DHX36: variants seen among roughly 807,000 people sequenced by gnomAD.
DHX36 encodes DEAH-box helicase 36.
In DHX36, 50 loss-of-function variants were observed where a neutral mutation model predicts 139.0. That is an observed-to-expected ratio of 0.36 (90% CI 0.29 to 0.46). DHX36 has a LOEUF of 0.46. Ranked by LOEUF, DHX36 falls within the 20% of genes least tolerant of loss-of-function variation. The pLI is 1.00. For synonymous variants in DHX36, 425 were observed against 401.9 expected, an observed-to-expected ratio of 1.06 and a Z score of -0.69; for missense variants, 1,024 against 1,211.3, an observed-to-expected ratio of 0.85 and a Z score of 2.29.
At chr3:154,279,644 C>G (rs1232144904) in intron 22 of DHX36, 3 of 152,188 alleles carry the variant, frequency 2.0e-5, no homozygotes, top group African/African-American at 7.2e-5. Context: ...ACAAGTATCT[C>G]CAGACACTTT....
At position 154,309,838 on chromosome 3, in the gene DHX36, A is replaced by T; in HGVS notation, c.643-15T>A. On this transcript the variant is annotated splice_polypyrimidine_tract_variant and intron_variant, in intron 4 of 24. Transcript: ENST00000496811. ...TTTACCAATTCCTATTTCAAAAGGG[A>T]AAATAAAGAATATCACATGTTGACT... 1 of 1,555,642 alleles carries T rather than the reference A, an allele frequency of 6.4e-7. No individual in the cohort carries two copies. Among genetic ancestry groups the T allele is most frequent in the Non-Finnish European group, 8.7e-7 (1 of 1,143,258 alleles).
intron 13 of DHX36, 81 bp downstream of exon 13, chr3:154,295,203 T>C (rs940317731): frequency 4.8e-6 from 4 of 828,074 alleles, no homozygotes; most frequent in Non-Finnish European, 7.5e-6. Context: ...TTAAAAAAAA[T>C]AAAGGAAAAC....
At chr3:154,285,453 C>T (rs1711515501) in intron 17 of DHX36, among the ~76,000 whole-genome samples, 3 of 152,262 alleles carry the variant, frequency 2.0e-5, no homozygotes, top group Non-Finnish European at 4.4e-5. Context: ...TTCCCTAGGT[C>T]ATCTGGTCCA....
intron 6 of DHX36, 24 bp downstream of exon 6, chr3:154,306,192 A>ATATAAGAAGTGAACATTTTTT: frequency 6.4e-7 from 1 of 1,551,744 alleles, no homozygotes; most frequent in Non-Finnish European, 8.9e-7. Context: ...ATCTGCCTGT[A>ATATAAGAAGTGAACATTTTTT]TATAAGAAGT....
At chr3:154,288,669 C>T (rs1055707082) in intron 17 of DHX36, among the ~76,000 whole-genome samples, 197 bp downstream of exon 17, 4 of 152,026 alleles carry the variant, frequency 2.6e-5, no homozygotes, top group Admixed American at 6.6e-5. Flanking sequence ...AGAATTATTA[C>T]GAAGATATCA....
intron 12 of DHX36, among the ~76,000 whole-genome samples, chr3:154,298,668 G>C (rs1418418154): frequency 2.6e-5 from 4 of 152,170 alleles, no homozygotes; most frequent in Non-Finnish European, 4.4e-5. Context: ...TGTAATCCCA[G>C]CACTTGGGAG....
chr3:154,310,830 T>C (rs869154790), intron 4 of DHX36, among the ~76,000 whole-genome samples: 5 of 34,882 alleles, frequency 1.4e-4, no homozygotes, highest in Non-Finnish European at 1.8e-4. Flanking sequence ...TATATATATA[T>C]ATATATATAT....
intron 1 of DHX36, among the ~76,000 whole-genome samples, chr3:154,320,694 C>A (rs1009929132): frequency 5.9e-5 from 9 of 152,162 alleles, no homozygotes; most frequent in African/African-American, 2.2e-4. Flanking sequence ...ACACTGTACT[C>A]GTCCCTTCAG....
In DHX36 at chr3:154,288,943, C is replaced by A. The variant is rs374959754; in HGVS notation, c.1954G>T (p.Ala652Ser). The A allele has an allele frequency of 1.9e-6, 3 of 1,576,006 alleles. No homozygotes were observed. In the African/African-American group the frequency reaches 4.1e-5, roughly 21 times the overall value. ...QIKILRLGGI[A>S]YFLSRLMDPP... ...TCCATTAATCTACTCAGAAAATAAG[C>A]AATTCCACCTAGCCTTAAAATCTAA... The change falls in exon 17 of 25, where the codon GCT (alanine) becomes TCT (serine). Residue 652 changes from alanine (A) to serine (S), a missense_variant. Physicochemically the swap from Ala to Ser is moderately conservative, Grantham distance 99 (BLOSUM62 1). This residue lies in a region of DHX36 where 470 missense variants were observed against 616.2 expected (regional missense o/e 0.76). Coordinates refer to ENST00000496811, the MANE Select transcript of DHX36 (RefSeq NM_020865.3).
intron 3 of DHX36, among the ~76,000 whole-genome samples, chr3:154,314,298 T>C (rs1712879063): frequency 6.6e-6 from 1 of 152,242 alleles, no homozygotes; most frequent in Admixed American, 6.5e-5. Context: ...AGTCAATGGA[T>C]CCTTTCTTTC....
intron 5 of DHX36, 29 bp from the exon 6 acceptor site, chr3:154,306,324 T>A (rs1712500120): frequency 1.9e-6 from 3 of 1,578,230 alleles, no homozygotes; most frequent in African/African-American, 2.7e-5. Context: ...ATAAAGAGAA[T>A]ATAATTTCCT....
Position 154,309,836 on chromosome 3 carries a change from G to T in DHX36, c.643-13C>A. 1 of 1,553,938 alleles carries T rather than the reference G, an allele frequency of 6.4e-7. No individual in the cohort carries two copies. The highest frequency in any genetic ancestry group is 8.7e-7 in the Non-Finnish European group (1 of 1,144,306). On this transcript the variant is annotated splice_polypyrimidine_tract_variant and intron_variant, in intron 4 of 24. Transcript: ENST00000496811. ...AATTTACCAATTCCTATTTCAAAAG[G>T]GAAAATAAAGAATATCACATGTTGA... is the stretch of plus-strand genomic sequence containing the variant.
chr3:154,302,089 T>C (rs1447210503), intron 9 of DHX36, among the ~76,000 whole-genome samples: 1 of 146,690 alleles, frequency 6.8e-6, no homozygotes, highest in Non-Finnish European at 1.5e-5. Flanking sequence ...AAAAAAAAAG[T>C]GATAAAGCCT....
In DHX36 at chr3:154,324,471, G is replaced by A. The variant is rs960327308; in HGVS notation, c.-55C>T. The A allele has an allele frequency of 2.8e-5, 40 of 1,439,328 alleles. No individual in the cohort carries two copies. The Middle Eastern group carries it at 7.1e-4, about 26-fold the overall frequency. 89.2% of individuals were successfully genotyped at this position (1,439,328 alleles called of 1,614,324 possible). ...CAGCAACCGCTGGAAATGGCGTCCG[G>A]GCCCGGAAGCCACTGTGCGCCCACT... On this transcript the variant is annotated 5_prime_UTR_variant, in exon 1 of 25. Transcript: ENST00000496811.
intron 1 of DHX36, 113 bp from the exon 2 acceptor site, chr3:154,316,276 AAAAG>A (rs1712978323): frequency 1.4e-6 from 2 of 1,381,120 alleles, no homozygotes; most frequent in Non-Finnish European, 2.0e-6. Context: ...AAATACATAT[AAAAG>A]AAAGTTATCC....
At chr3:154,283,658 G>A (rs545857389) in intron 19 of DHX36, among the ~76,000 whole-genome samples, 4 of 150,706 alleles carry the variant, frequency 2.7e-5, no homozygotes, top group Non-Finnish European at 5.9e-5. Flanking sequence ...TTTTTAAGAG[G>A]AGGGAAATGG....
chr3:154,319,778 A>G (rs922050145), intron 1 of DHX36, among the ~76,000 whole-genome samples: 4 of 152,198 alleles, frequency 2.6e-5, no homozygotes, highest in African/African-American at 9.7e-5. Context: ...TTACTGCAGC[A>G]TAATTTGGCC....
chr3:154,302,641 G>A (rs2108353270), intron 9 of DHX36, among the ~76,000 whole-genome samples: 1 of 152,232 alleles, frequency 6.6e-6, no homozygotes, highest in East Asian at 1.9e-4. Flanking sequence ...ATAAATGATT[G>A]AGAAGACTGG....
In DHX36 at chr3:154,301,259, G is replaced by C. The variant is rs965977493; in HGVS notation, c.1218-132C>G. On this transcript the variant is annotated intron_variant, in intron 9 of 24. Transcript: ENST00000496811. ...ATTTTCATTATGCTTTCAAGTGAAT[G>C]CTAGCTAAAATATCAGTTTGTGTTC... 3.5e-6 allele frequency: 3 copies of C among 849,780 alleles called. No individual in the cohort carries two copies. In the African/African-American group the frequency reaches 5.2e-5, roughly 15 times the overall value. The allele number at this position is 849,780 out of a possible 1,614,324, so 52.6% of individuals were successfully genotyped here.
Sources: allele counts gnomAD v4.1 joint callset (sites outside exome capture counted in the v4.1 genomes callset), GRCh38; gene constraint gnomAD v4.1.1; regional missense constraint gnomAD v4.1.1; transcripts MANE v1.5; gene names NCBI Gene and HGNC (gene_info 2026-07-23, HGNC 2026-07-21).